The following TTC21B variants were observed in gnomAD, a reference collection of about 807,000 sequenced individuals.
The protein encoded by TTC21B is tetratricopeptide repeat domain 21B, also known as tetratricopeptide repeat protein 21B.
A neutral mutation model predicts 175.1 loss-of-function variants in TTC21B; 127 were observed. That is an observed-to-expected ratio of 0.73 (90% confidence interval 0.63 to 0.84). The LOEUF (loss-of-function observed/expected upper bound fraction) is 0.84, where lower values mean the gene tolerates loss of function less well. Among genes scored for constraint, TTC21B ranks in the 40% least tolerant of loss-of-function variants. The pLI is 0.00. For synonymous variants in TTC21B, 524 were observed against 524.5 expected, an observed-to-expected ratio of 1.00 and a Z score of 0.01; for missense variants, 1,561 against 1,558.3, an observed-to-expected ratio of 1.00 and a Z score of -0.03.
At chr2:165,912,945 T>A (rs1163426992) in intron 16 of TTC21B, among the ~76,000 whole-genome samples, 1 of 152,186 alleles carries the variant, frequency 6.6e-6, no homozygotes, top group Non-Finnish European at 1.5e-5. Flanking sequence ...GGCTGAAGGA[T>A]TGGTTCCCTT....
chr2:165,926,293 G>T (rs1220749553), intron 11 of TTC21B, among the ~76,000 whole-genome samples: 2 of 152,164 alleles, frequency 1.3e-5, no homozygotes, highest in East Asian at 3.9e-4. Flanking sequence ...ATCTGATAGA[G>T]AAATCCATTA....
chr2:165,878,295 T>C (rs1347171506), intron 27 of TTC21B, among the ~76,000 whole-genome samples: 1 of 152,148 alleles, frequency 6.6e-6, no homozygotes, highest in Non-Finnish European at 1.5e-5. Context: ...AAATGTGCAC[T>C]GCAGCTGCAC....
At chr2:165,879,915 G>A (rs1396364217) in intron 27 of TTC21B, 1 of 152,196 alleles carries the variant, frequency 6.6e-6, no homozygotes, top group Admixed American at 6.5e-5. Context: ...CAGATGGCTT[G>A]AAGACAAGTC....
intron 22 of TTC21B, among the ~76,000 whole-genome samples, chr2:165,891,985 C>T (rs1419535032): frequency 5.9e-5 from 9 of 151,978 alleles, no homozygotes; most frequent in Admixed American, 4.6e-4. Context: ...TGATTTTGAT[C>T]GGTTTTGATT....
chr2:165,911,150 A>G (rs1332944473), intron 18 of TTC21B, among the ~76,000 whole-genome samples, 177 bp downstream of exon 18: 2 of 152,218 alleles, frequency 1.3e-5, no homozygotes, highest in Admixed American at 1.3e-4. Flanking sequence ...ATCTGCTACT[A>G]GATTTCAAAA....
intron 22 of TTC21B, among the ~76,000 whole-genome samples, chr2:165,895,437 C>T (rs1047455374): frequency 2.9e-5 from 4 of 138,088 alleles, no homozygotes; most frequent in Non-Finnish European, 6.1e-5. Flanking sequence ...TTCTTCAAAT[C>T]TTAGAAAACT....
At chr2:165,909,090 C>T (rs1339971726) in intron 18 of TTC21B, among the ~76,000 whole-genome samples, 1 of 151,872 alleles carries the variant, frequency 6.6e-6, no homozygotes, top group Non-Finnish European at 1.5e-5. Context: ...GAAACATACA[C>T]AATGGAATAA....
chr2:165,889,680 A>G (rs1685124577), intron 24 of TTC21B, among the ~76,000 whole-genome samples: 1 of 152,052 alleles, frequency 6.6e-6, no homozygotes, highest in East Asian at 1.9e-4. Context: ...TCTCTTGGCA[A>G]TCTACCACTA....
At position 165,937,271 on chromosome 2, in the gene TTC21B, C is replaced by G. The variant is rs111415570; in HGVS notation, c.710+3756G>C. Among the ~76,000 whole-genome samples the G allele has an allele frequency of 7.3e-4, 111 of 152,058 alleles. 2 individuals carry two copies. Among genetic ancestry groups the G allele is most frequent in the African/African-American group, 2.6e-3 (106 of 41,530 alleles). On this transcript the variant is annotated intron_variant, in intron 6 of 28. Transcript: ENST00000243344. ...AAGGCAGTAAAAAGAGCAGTGGTTG[C>G]AAGGAGTTGGGGAGATGGAGGGATA...
intron 22 of TTC21B, among the ~76,000 whole-genome samples, chr2:165,894,280 A>C (rs1685289887): frequency 6.6e-6 from 1 of 152,192 alleles, no homozygotes; most frequent in Admixed American, 6.5e-5. Flanking sequence ...ATCTGTCGTG[A>C]GAGCAGTAAT....
intron 21 of TTC21B, 101 bp from the exon 22 acceptor site, chr2:165,898,868 TGAG>T: frequency 3.9e-6 from 3 of 761,752 alleles, no homozygotes; most frequent in East Asian, 2.6e-5. Context: ...ATGATAAACA[TGAG>T]GAGGGGGCAG....
At chr2:165,880,175 C>A (rs989870040) in intron 27 of TTC21B, among the ~76,000 whole-genome samples, 3 of 151,948 alleles carry the variant, frequency 2.0e-5, no homozygotes, top group Admixed American at 6.6e-5. Flanking sequence ...TAACAGCCTG[C>A]AACATCCAGC....
At chr2:165,931,693 T>C (rs1383379261) in intron 8 of TTC21B, 65 bp downstream of exon 8, 1 of 1,361,468 alleles carries the variant, frequency 7.3e-7, no homozygotes, top group African/African-American at 1.4e-5. Context: ...GCTTCCACCT[T>C]TTCCACTTAT....
chr2:165,882,124 G>A (rs1684855665), intron 26 of TTC21B, among the ~76,000 whole-genome samples: 2 of 151,994 alleles, frequency 1.3e-5, no homozygotes, highest in Admixed American at 6.6e-5. Context: ...TTCTTCTGTT[G>A]GGAGGCACAG....
In TTC21B at chr2:165,946,270, C is replaced by T. The variant is rs865834084; in HGVS notation, c.263-580G>A. On this transcript the variant is annotated intron_variant, in intron 3 of 28. Coordinates refer to ENST00000243344, the MANE Select transcript of TTC21B (RefSeq NM_024753.5). The stretch of plus-strand genomic sequence containing the variant: ...AGGAGAATGGCGTGAACTCGAGAGG[C>T]GGAGCTTGCAGTGAGCAGAGATCGC... 2.6e-5 allele frequency among the ~76,000 whole-genome samples: 4 copies of T among 151,620 alleles called. No homozygotes were observed. The South Asian group carries it at 8.4e-4, about 32-fold the overall frequency.
Position 165,907,680 on chromosome 2 carries a change from G to T in TTC21B, c.2566C>A (p.Gln856Lys). ...CACTCACAGACAAATGTGTTTACCT[G>T]TTGTAATGCAGTGATCGCATCACCA... ...KLGDAITALQ[Q>K]ARELQARVLK... Residue 856 changes from glutamine (Q) to lysine (K), a missense_variant and splice_region_variant, in exon 19 of 29, where the codon CAG (glutamine) becomes AAG (lysine). Transcript: ENST00000243344. The T allele has an allele frequency of 6.2e-7, 1 of 1,602,600 alleles. No individual in the cohort carries two copies.
At chr2:165,892,836 A>G (rs2105294497) in intron 22 of TTC21B, among the ~76,000 whole-genome samples, 1 of 152,340 alleles carries the variant, frequency 6.6e-6, no homozygotes, top group East Asian at 1.9e-4. Context: ...GCCACTGAAC[A>G]GTACACTTAA....
intron 25 of TTC21B, among the ~76,000 whole-genome samples, chr2:165,885,264 C>T (rs766873697): frequency 6.6e-6 from 1 of 152,032 alleles, no homozygotes; most frequent in South Asian, 2.1e-4. Flanking sequence ...AGGAATACTG[C>T]AAAAGGAGAG....
Position 165,880,290 on chromosome 2 carries a change from C to G in TTC21B, c.3805+389G>C, listed in dbSNP as rs942778003. On this transcript the variant is annotated intron_variant, in intron 27 of 28. Coordinates refer to ENST00000243344, the MANE Select transcript of TTC21B (RefSeq NM_024753.5). The stretch of plus-strand genomic sequence containing the variant: ...CCTCTGTGATATCCATCGCAATATA[C>G]GTTAGTGTTTAAAGGCTTTGAGAAG... Among the ~76,000 whole-genome samples the G allele has an allele frequency of 2.6e-5, 4 of 152,016 alleles. No homozygotes were observed. In the South Asian group the frequency reaches 8.3e-4, roughly 31 times the overall value.
Sources: allele counts gnomAD v4.1 joint callset (sites outside exome capture counted in the v4.1 genomes callset), GRCh38; gene constraint gnomAD v4.1.1; transcripts MANE v1.5; gene names NCBI Gene and HGNC (gene_info 2026-07-23, HGNC 2026-07-21).